The following GLI1 variants were observed in gnomAD, a reference collection of about 807,000 sequenced individuals.
GLI1 encodes GLI family zinc finger 1, also known as transcription activator GLI1.
In GLI1, 51 loss-of-function variants were observed where a neutral mutation model predicts 87.8. That is an observed-to-expected ratio of 0.58 (90% CI 0.46 to 0.73). The LOEUF is 0.73. GLI1 is among the 30% of genes least tolerant of loss of function. The probability of loss-of-function intolerance (pLI) is 0.00; values close to 1 mark genes in which losing one functional copy is unlikely to be tolerated. For synonymous variants in GLI1, 528 were observed against 558.2 expected (o/e 0.95, Z 0.76); for missense variants, 1,292 against 1,437.2 (o/e 0.90, Z 1.63).
In GLI1 at chr12:57,470,669, C is replaced by T; in HGVS notation, c.1929C>T (p.Ala643=). 1 of 1,613,298 alleles carries T rather than the reference C, an allele frequency of 6.2e-7. No homozygotes were observed. ...TCACCCGGAGGGCCAGTGACCCAGC[C>T]CAGGCTGCTGACCGTCCTGCTCCAG... ...AGVTRRASDP[A]QAADRPAPAR... The change falls in exon 12 of 12, where the codon GCC becomes GCT. Residue 643 remains alanine (A), a synonymous_variant. Coordinates refer to ENST00000228682, the MANE Select transcript of GLI1 (RefSeq NM_005269.3).
At position 57,471,954 on chromosome 12, in the gene GLI1, G is replaced by A. The variant is rs765120932; in HGVS notation, c.3214G>A (p.Gly1072Arg). ...TTCCCATGATCAGCGGGGCAGCTCT[G>A]GACATACCCCACCTCCCTCTGGGCC... ...PPSHDQRGSS[G>R]HTPPPSGPPN... Residue 1072 changes from glycine (G) to arginine (R), a missense_variant, in exon 12 of 12, where the codon GGA becomes AGA. By Grantham distance (125) the Gly-to-Arg change is moderately radical. Around this residue, in one of 3 missense-constraint regions of GLI1, gnomAD observed 897 missense variants for 1,040.7 expected, o/e 0.86. Coordinates refer to ENST00000228682, the MANE Select transcript of GLI1 (RefSeq NM_005269.3). This position sits in a 1 kb window ranked among gnomAD's most constrained non-coding sequence, Gnocchi z 4.9. 1.7e-5 allele frequency: 28 copies of A among 1,609,302 alleles called. 1 individual carries two copies. The highest frequency in any genetic ancestry group is 3.3e-4 in the Middle Eastern group (2 of 6,066).
At position 57,470,249 on chromosome 12, in the gene GLI1, A is replaced by G. The variant is rs940637041; in HGVS notation, c.1577-68A>G. The G allele has an allele frequency of 2.9e-5, 35 of 1,224,020 alleles. No individual in the cohort carries two copies. In the African/African-American group the frequency reaches 5.0e-4, roughly 18 times the overall value. 75.8% of individuals were successfully genotyped at this position (1,224,020 alleles called of 1,614,324 possible). A position where few individuals can be genotyped will look rare whatever the true frequency, so the allele number is the denominator to read the frequency against. On this transcript the variant is annotated intron_variant, in intron 11 of 11. Coordinates refer to ENST00000228682, the MANE Select transcript of GLI1 (RefSeq NM_005269.3). The stretch of plus-strand genomic sequence containing the variant: ...TGAGAATCCAGGGCAAGGCTGTTGC[A>G]TGGAGGAGGCAGGGTGAAATTTAGG...
chr12:57,466,024 A>G, intron 7 of GLI1, 99 bp downstream of exon 7: 1 of 1,235,784 alleles, frequency 8.1e-7, no homozygotes, highest in Non-Finnish European at 1.2e-6. Flanking sequence ...GTCAGAGGAG[A>G]CTGAGGTTGA....
intron 1 of GLI1, among the ~76,000 whole-genome samples, chr12:57,462,741 ACCT>A (rs1046183272): frequency 6.6e-6 from 1 of 151,870 alleles, no homozygotes; most frequent in African/African-American, 2.4e-5. Flanking sequence ...CAGGAACCTT[ACCT>A]CCTCCTCCAC....
At chr12:57,465,492 C>G (rs1309233115) in intron 5 of GLI1, 115 bp from the exon 6 acceptor site, 7 of 877,580 alleles carry the variant, frequency 8.0e-6, no homozygotes, top group Non-Finnish European at 1.1e-5. Flanking sequence ...CCTTCCAAAC[C>G]CAGGAGGTTC....
chr12:57,464,807 A>T lies in GLI1; in HGVS notation c.328A>T (p.Ile110Phe), dbSNP rs766185741. The T allele has an allele frequency of 6.2e-7, 1 of 1,614,040 alleles. No homozygotes were observed. The highest frequency in any genetic ancestry group is 2.2e-5 in the East Asian group (1 of 44,872). Residue 110 changes from isoleucine to phenylalanine, a missense_variant, in exon 4 of 12, where the codon ATC becomes TTC. Physicochemically the swap from Ile to Phe is conservative, Grantham distance 21. Coordinates refer to ENST00000228682, the MANE Select transcript of GLI1 (RefSeq NM_005269.3). ...CTCACCCAGCTCCCTCGTAGCTTTC[A>T]TCAACTCGCGATGCACATCTCCAGG... ...RTSPSSLVAF[I>F]NSRCTSPGGS... is the part of the protein sequence containing the mutation.
At position 57,465,265 on chromosome 12, in the gene GLI1, C is replaced by T; in HGVS notation, c.534+10C>T. On this transcript the variant is annotated intron_variant, in intron 5 of 11. Transcript: ENST00000228682. ...CTTCCCAACTTGCCAGGTGAGAGTC[C>T]CCATATTGCTACCTGATTTCCCTCA... 2 of 1,599,448 alleles carry T rather than the reference C, an allele frequency of 1.3e-6. No homozygotes were observed. The highest frequency in any genetic ancestry group is 1.7e-6 in the Non-Finnish European group (2 of 1,173,044).
rs1166115603 is a variant in GLI1, at chr12:57,470,778, C to A, written c.2038C>A (p.Leu680Ile). The A allele has an allele frequency of 1.9e-6, 3 of 1,613,088 alleles. No individual in the cohort carries two copies. Among genetic ancestry groups the A allele is most frequent in the Non-Finnish European group, 2.5e-6 (3 of 1,179,608 alleles). ...GGGAGGACAGAACTTTGATCCTTAC[C>A]TCCCAACCTCTGTCTACTCACCACA... ...AGGGQNFDPYLPTSVYSPQPP... is the reference protein window; with the variant it reads ...AGGGQNFDPYIPTSVYSPQPP... The change falls in exon 12 of 12, where the codon CTC (leucine) becomes ATC (isoleucine). Residue 680 changes from leucine (L) to isoleucine (I), a missense_variant. Physicochemically the swap from Leu to Ile is conservative, Grantham distance 5 (BLOSUM62 2). Coordinates refer to ENST00000228682, the MANE Select transcript of GLI1 (RefSeq NM_005269.3).
chr12:57,463,450 G>C (rs1323316544), intron 1 of GLI1, among the ~76,000 whole-genome samples: 1 of 152,112 alleles, frequency 6.6e-6, no homozygotes, highest in African/African-American at 2.4e-5. Context: ...ACTGACCTCA[G>C]GTGATCCTCC....
chr12:57,468,050 G>T lies in GLI1; in HGVS notation c.1134G>T (p.Ser378=). The T allele has an allele frequency of 6.2e-7, 1 of 1,614,206 alleles. No individual in the cohort carries two copies. Among genetic ancestry groups the T allele is most frequent in the East Asian group, 2.2e-5 (1 of 44,888 alleles). The change falls in exon 10 of 12, where the codon TCG becomes TCT. Residue 378 remains serine (S), a synonymous_variant. Coordinates refer to ENST00000228682, the MANE Select transcript of GLI1 (RefSeq NM_005269.3). ...GCTKRYTDPS[S]LRKHVKTVHG... Reference sequence around the variant, plus strand: ...CCAAACGCTATACAGATCCTAGCTCGCTGCGAAAACATGTCAAGACAGTGC... The same window carrying T: ...CCAAACGCTATACAGATCCTAGCTCTCTGCGAAAACATGTCAAGACAGTGC...
In GLI1 at chr12:57,465,234, G is replaced by C; in HGVS notation, c.513G>C (p.Arg171=). 1 of 1,612,290 alleles carries C rather than the reference G, an allele frequency of 6.2e-7. No homozygotes were observed. Among genetic ancestry groups the C allele is most frequent in the African/African-American group, 1.3e-5 (1 of 74,974 alleles). Reference sequence around the variant, plus strand: ...GGATGATCCCACATCCTCAGTCCCGGGGACCCTTCCCAACTTGCCAGGTGA... The same window carrying C: ...GGATGATCCCACATCCTCAGTCCCGCGGACCCTTCCCAACTTGCCAGGTGA... ...RGGMIPHPQS[R]GPFPTCQLKS... is the part of the protein sequence containing the mutation. The change falls in exon 5 of 12, where the codon CGG becomes CGC. Residue 171 remains arginine (R), a synonymous_variant. Transcript: ENST00000228682.
At chr12:57,464,127 CCTCTCTGA>C (rs752542123) in intron 3 of GLI1, 36 bp downstream of exon 3, 1 of 1,309,048 alleles carries the variant, frequency 7.6e-7, no homozygotes, top group South Asian at 1.2e-5. Context: ...CCTTTCTGCC[CCTCTCTGA>C]CTTGTTCTGA....
chr12:57,463,495 G>A (rs1373526453), intron 1 of GLI1, among the ~76,000 whole-genome samples, 170 bp from the exon 2 acceptor site: 8 of 152,154 alleles, frequency 5.3e-5, no homozygotes, highest in East Asian at 1.9e-4. Context: ...AATTACAGGC[G>A]TGAGCCACTG....
intron 1 of GLI1, among the ~76,000 whole-genome samples, chr12:57,460,872 GA>G (rs1871096909): frequency 6.6e-6 from 1 of 152,136 alleles, no homozygotes; most frequent in South Asian, 2.1e-4. Flanking sequence ...AGGAGCTCAG[GA>G]GGAGCCGGGG....
Position 57,466,408 on chromosome 12 carries a change from A to G in GLI1, c.912+19A>G, listed in dbSNP as rs2139857021. 6.3e-7 allele frequency: 1 copy of G among 1,599,950 alleles called. No homozygotes were observed. The highest frequency in any genetic ancestry group is 1.1e-5 in the South Asian group (1 of 89,582). ...GTGCACGGTGAGGCACCAGTGTCCC[A>G]AGTCCAGGGTCTCTTCCTAAATCAG... On this transcript the variant is annotated intron_variant, in intron 8 of 11. Transcript: ENST00000228682.
chr12:57,466,572 G>A (rs1363460523), intron 8 of GLI1, among the ~76,000 whole-genome samples, 183 bp downstream of exon 8: 1 of 152,082 alleles, frequency 6.6e-6, no homozygotes, highest in Admixed American at 6.5e-5. Context: ...AAACACTCTT[G>A]GACCTAAAAG....
At chr12:57,460,870 A>G (rs116200681) in intron 1 of GLI1, among the ~76,000 whole-genome samples, 2,915 of 152,194 alleles carry the variant, frequency 0.019, 77 homozygotes, top group African/African-American at 0.067. Flanking sequence ...CAAGGAGCTC[A>G]GGAGGAGCCG....
chr12:57,465,505 G>C (rs77109260), intron 5 of GLI1, 102 bp from the exon 6 acceptor site: 11 of 960,034 alleles, frequency 1.1e-5, no homozygotes, highest in South Asian at 6.0e-5. Flanking sequence ...GGAGGTTCCA[G>C]CTGCTTGGGT....
rs1164399469 is a variant in GLI1, at chr12:57,470,833, T to C, written c.2093T>C (p.Met698Thr). 1 of 1,610,008 alleles carries C rather than the reference T, an allele frequency of 6.2e-7. No homozygotes were observed. ...QPPSITENAA[M>T]DARGLQEEPE... ...CCCAGCATCACTGAGAATGCTGCCA[T>C]GGATGCTAGAGGGCTACAGGAAGAG... The change falls in exon 12 of 12, where the codon ATG becomes ACG. Residue 698 changes from methionine (M) to threonine (T), a missense_variant. Met to Thr is a moderately conservative substitution (Grantham distance 81). Transcript: ENST00000228682.
Sources: gnomAD v4.1 joint callset for allele counts (sites outside exome capture counted in the v4.1 genomes callset) on GRCh38, gnomAD v4.1.1 for gene constraint, gnomAD v4.1.1 regional missense constraint, Gnocchi (gnomAD v3.1) non-coding constraint, MANE v1.5 for transcripts, NCBI Gene and HGNC (gene_info 2026-07-23, HGNC 2026-07-21) for gene names.